PDE10A: variants seen among roughly 807,000 people sequenced by gnomAD.
PDE10A encodes the protein cAMP and cAMP-inhibited cGMP 3',5'-cyclic phosphodiesterase 10A.
In PDE10A, 39 loss-of-function variants were observed where a neutral mutation model predicts 97.7. The ratio of observed to expected loss-of-function variants is 0.40; its 90% CI spans 0.31 to 0.52. The LOEUF is 0.52. Ranked by LOEUF, PDE10A falls within the 20% of genes least tolerant of loss-of-function variation. The pLI, the probability that PDE10A is intolerant of heterozygous loss-of-function variation, is 0.56. For missense variants in PDE10A, 731 were observed against 1,047.8 expected (o/e 0.70, Z 4.17); for synonymous variants, 371 against 376.8 (o/e 0.98, Z 0.18).
rs1013317772 is a variant in PDE10A at position 165,331,724 on chromosome 6, G to C, written c.*1301C>G. ...CTTTATCATCTTTGTAGGAAGGGGT[G>C]CAGAGTATTACTTTCGTATTTTTTA... is the stretch of plus-strand genomic sequence containing the variant. On this transcript the variant is annotated 3_prime_UTR_variant, in exon 22 of 22. Coordinates refer to ENST00000539869, the MANE Select transcript of PDE10A (RefSeq NM_001385079.1). 2.0e-5 allele frequency: 3 copies of C among 151,700 alleles called. No homozygotes were observed. Among genetic ancestry groups the C allele is most frequent in the African/African-American group, 4.8e-5 (2 of 41,306 alleles). The allele number at this position is 151,700 out of a possible 1,614,324, so 9.4% of individuals were successfully genotyped here.
chr6:165,436,295 G>A (rs568245465), intron 5 of PDE10A, among the ~76,000 whole-genome samples: 1 of 152,264 alleles, frequency 6.6e-6, no homozygotes, highest in African/African-American at 2.4e-5. Context: ...TACAATACTT[G>A]TTATTACTAA....
intron 19 of PDE10A, 136 bp from the exon 20 acceptor site, chr6:165,339,494 G>A: frequency 3.2e-6 from 2 of 619,976 alleles, no homozygotes; most frequent in Non-Finnish European, 5.7e-6. Flanking sequence ...CCCAAGAAAA[G>A]TACATCAAAA....
chr6:165,861,717 G>A (rs966381648), intron 1 of PDE10A, among the ~76,000 whole-genome samples: 1 of 152,046 alleles, frequency 6.6e-6, no homozygotes, highest in African/African-American at 2.4e-5. Flanking sequence ...GTGACGGGTT[G>A]GCATGGGAGC....
At chr6:165,336,296 C>T in intron 20 of PDE10A, 85 bp from the exon 21 acceptor site, 1 of 928,022 alleles carries the variant, frequency 1.1e-6, no homozygotes, top group East Asian at 2.5e-5. Flanking sequence ...AGTGACTGTT[C>T]TGTTTCTGAG....
upstream of PDE10A, among the ~76,000 whole-genome samples, chr6:165,664,866 T>G (rs1790458118): frequency 6.6e-6 from 1 of 152,256 alleles, no homozygotes; most frequent in South Asian, 2.1e-4. Flanking sequence ...TATTTGCATT[T>G]TGGAGTTACT....
chr6:165,575,556 T>C (rs1171213191), intron 1 of PDE10A, among the ~76,000 whole-genome samples: 1 of 152,138 alleles, frequency 6.6e-6, no homozygotes, highest in Non-Finnish European at 1.5e-5. Context: ...CTTCAAACTC[T>C]CCTTGCCCCT....
intron 1 of PDE10A, among the ~76,000 whole-genome samples, chr6:165,621,019 C>CA (rs554929440): frequency 0.29 from 30,739 of 106,986 alleles, 3,444 homozygotes; most frequent in Middle Eastern, 0.35. Context: ...GACTCTGTCT[C>CA]AAAAAAAAAA....
intron 1 of PDE10A, among the ~76,000 whole-genome samples, chr6:165,682,509 C>G (rs4709961): frequency 6.6e-6 from 1 of 152,006 alleles, no homozygotes; most frequent in Non-Finnish European, 1.5e-5. Flanking sequence ...GTGATAAGGT[C>G]GTGAAGGTGG....
At chr6:165,560,108 G>C (rs982874889) in intron 1 of PDE10A, among the ~76,000 whole-genome samples, 1 of 152,196 alleles carries the variant, frequency 6.6e-6, no homozygotes, top group African/African-American at 2.4e-5. Context: ...TTATGCTACA[G>C]GTTGGTCCTA....
chr6:165,543,409 G>T, intron 2 of PDE10A, 31 bp downstream of exon 2: 1 of 1,587,716 alleles, frequency 6.3e-7, no homozygotes, highest in South Asian at 1.2e-5. Flanking sequence ...AGAAAAAGCT[G>T]GTTTAAAATG....
chr6:165,958,849 C>T lies in PDE10A; in HGVS notation c.-615+28680G>A, dbSNP rs1270383214. Among the ~76,000 whole-genome samples, 9 of 152,300 alleles carry T rather than the reference C, an allele frequency of 5.9e-5. No individual in the cohort carries two copies. In the South Asian group the frequency reaches 8.3e-4, roughly 14 times the overall value. On this transcript the variant is annotated intron_variant, in intron 1 of 19. Transcript: ENST00000366882. Reference sequence around the variant, plus strand: ...ATCACTTTCAATATTCCACACCCTCCGGCAGTGCTTCCTCCCCTCTTGCTT... The same window carrying T: ...ATCACTTTCAATATTCCACACCCTCTGGCAGTGCTTCCTCCCCTCTTGCTT...
chr6:165,923,013 C>T (rs1782798928), intron 1 of PDE10A, among the ~76,000 whole-genome samples: 1 of 152,130 alleles, frequency 6.6e-6, no homozygotes. Context: ...ACCTTCCAGA[C>T]AACAAAATAG....
At chr6:165,980,248 T>G (rs1784972524) in intron 1 of PDE10A, among the ~76,000 whole-genome samples, 1 of 152,232 alleles carries the variant, frequency 6.6e-6, no homozygotes, top group African/African-American at 2.4e-5. Flanking sequence ...TCAAACTGCA[T>G]AAGAAAATTA....
intron 2 of PDE10A, among the ~76,000 whole-genome samples, chr6:165,518,567 T>C (rs370791456): frequency 4.6e-5 from 7 of 152,302 alleles, no homozygotes; most frequent in African/African-American, 1.7e-4. Context: ...GCCCTCACTT[T>C]ACTTAATAAT....
At chr6:165,916,300 G>A (rs796208734) in intron 1 of PDE10A, among the ~76,000 whole-genome samples, 17 of 152,314 alleles carry the variant, frequency 1.1e-4, no homozygotes, top group African/African-American at 4.1e-4. Context: ...TTCCAAGTTC[G>A]ATTCCACACG....
chr6:165,836,964 C>T (rs1780077777), intron 1 of PDE10A, among the ~76,000 whole-genome samples: 1 of 149,504 alleles, frequency 6.7e-6, no homozygotes, highest in South Asian at 2.1e-4. Context: ...AAACCAAACA[C>T]CGCGTATTCT....
chr6:165,701,647 A>ATG (rs59041111), intron 1 of PDE10A, among the ~76,000 whole-genome samples: 4,677 of 149,466 alleles, frequency 0.031, 232 homozygotes, highest in African/African-American at 0.1. Flanking sequence ...CTCTTCATGT[A>ATG]TGTGTGTGTG....
intron 2 of PDE10A, among the ~76,000 whole-genome samples, chr6:165,483,129 C>T (rs1182189655): frequency 6.6e-6 from 1 of 152,200 alleles, no homozygotes; most frequent in African/African-American, 2.4e-5. Flanking sequence ...GGAGGGGCCA[C>T]TGGAGCTCAG....
chr6:165,664,112 G>A (rs1260998540), upstream of PDE10A, among the ~76,000 whole-genome samples: 1 of 152,128 alleles, frequency 6.6e-6, no homozygotes, highest in Non-Finnish European at 1.5e-5. Context: ...CACCTTCCCC[G>A]GAGTGGAGCA....
Sources: allele counts gnomAD v4.1 joint callset (sites outside exome capture counted in the v4.1 genomes callset), GRCh38; gene constraint gnomAD v4.1.1; transcripts MANE v1.5; gene names NCBI Gene and HGNC (gene_info 2026-07-23, HGNC 2026-07-21).